The following SLC25A42 variants were observed in gnomAD, a reference collection of about 807,000 sequenced individuals.
The protein encoded by SLC25A42 is mitochondrial coenzyme A transporter SLC25A42.
Under a neutral mutation model 34.7 loss-of-function variants are expected in SLC25A42, and 19 were observed. The ratio of observed to expected loss-of-function variants is 0.55; its 90% CI spans 0.38 to 0.80. The LOEUF is 0.80. Ranked by LOEUF, SLC25A42 falls within the 30% of genes least tolerant of loss-of-function variation. The pLI is 0.00. For synonymous variants in SLC25A42, 205 were observed against 191.2 expected, an observed-to-expected ratio of 1.07 and a Z score of -0.59; for missense variants, 364 against 441.3, an observed-to-expected ratio of 0.82 and a Z score of 1.57.
intron 1 of SLC25A42, among the ~76,000 whole-genome samples, chr19:19,075,521 C>T (rs577745127): frequency 3.9e-5 from 6 of 152,174 alleles, no homozygotes; most frequent in Non-Finnish European, 5.9e-5. Context: ...CCTAGGTACT[C>T]GCGAAAGGTA....
chr19:19,083,677 G>C (rs905766153), intron 1 of SLC25A42, among the ~76,000 whole-genome samples: 1 of 152,206 alleles, frequency 6.6e-6, no homozygotes, highest in South Asian at 2.1e-4. Flanking sequence ...AACGAGTGTC[G>C]TGGAGGGAAG....
chr19:19,081,968 G>A lies in SLC25A42; in HGVS notation c.-34-14123G>A, dbSNP rs963098533. Among the ~76,000 whole-genome samples, 1 of 152,126 alleles carries A rather than the reference G, an allele frequency of 6.6e-6. No individual in the cohort carries two copies. The highest frequency in any genetic ancestry group is 6.5e-5 in the Admixed American group (1 of 15,272). Reference sequence around the variant, plus strand: ...TCACTGGTCGCAAGTCTGGGTACACGTTGTCATGGGAGTGATTGGCCTCCT... The same window carrying A: ...TCACTGGTCGCAAGTCTGGGTACACATTGTCATGGGAGTGATTGGCCTCCT... On this transcript the variant is annotated intron_variant, in intron 1 of 7. Transcript: ENST00000318596. This position sits in a 1 kb window ranked among gnomAD's most constrained non-coding sequence, Gnocchi z 4.5.
Position 19,110,760 on chromosome 19 carries a change from G to C in SLC25A42, c.841G>C (p.Val281Leu). Residue 281 changes from valine to leucine, a missense_variant, in exon 8 of 8, where the codon GTG becomes CTG. Physicochemically the swap from Val to Leu is conservative, Grantham distance 32. Transcript: ENST00000318596. ...LRTIVREEGA[V>L]RGLYKGLSMN... ...CACCATCGTGCGGGAGGAGGGCGCC[G>C]TGCGCGGCCTCTACAAAGGCTTGAG... 6.2e-7 allele frequency: 1 copy of C among 1,613,160 alleles called. No individual in the cohort carries two copies. The highest frequency in any genetic ancestry group is 8.5e-7 in the Non-Finnish European group (1 of 1,179,824).
At chr19:19,070,837 T>C (rs2059626483) in intron 1 of SLC25A42, among the ~76,000 whole-genome samples, 1 of 152,134 alleles carries the variant, frequency 6.6e-6, no homozygotes, top group Non-Finnish European at 1.5e-5. Context: ...CCTCTGTTAC[T>C]TCAGGAAGAA....
intron 1 of SLC25A42, among the ~76,000 whole-genome samples, chr19:19,069,229 T>TGGGCA (rs1179953619): frequency 6.6e-6 from 1 of 152,196 alleles, no homozygotes; most frequent in African/African-American, 2.4e-5. Context: ...GCAGAATGCT[T>TGGGCA]GGATTCCAGG....
chr19:19,089,279 G>C (rs146085411), intron 1 of SLC25A42, among the ~76,000 whole-genome samples: 1,657 of 152,180 alleles, frequency 0.011, 35 homozygotes, highest in African/African-American at 0.038. Flanking sequence ...TATAATCCCA[G>C]TACTTTGGGA....
intron 1 of SLC25A42, among the ~76,000 whole-genome samples, chr19:19,089,967 G>A (rs1348054302): frequency 2.6e-5 from 4 of 152,252 alleles, no homozygotes; most frequent in Non-Finnish European, 5.9e-5. Flanking sequence ...GGTCCCTGGA[G>A]GGAGAGCAGG....
intron 2 of SLC25A42, among the ~76,000 whole-genome samples, chr19:19,098,692 G>A (rs2145918129): frequency 1.3e-5 from 2 of 152,338 alleles, no homozygotes; most frequent in African/African-American, 4.8e-5. Flanking sequence ...GCCGAGACAG[G>A]CGGATCACCT....
chr19:19,106,476 AG>A, intron 6 of SLC25A42, 91 bp downstream of exon 6: 1 of 1,059,604 alleles, frequency 9.4e-7, no homozygotes, highest in Non-Finnish European at 1.4e-6. Context: ...ATCGGGCCCC[AG>A]GGGTTTGCAT....
Position 19,105,705 on chromosome 19 carries a change from A to C in SLC25A42, c.358A>C (p.Ser120Arg), listed in dbSNP as rs748604140. 1.8e-5 allele frequency: 29 copies of C among 1,599,734 alleles called. No individual in the cohort carries two copies. Among genetic ancestry groups the C allele is most frequent in the Non-Finnish European group, 2.5e-5 (29 of 1,171,788 alleles). Reference protein sequence around the residue: ...AHEEYKRILGSYYGFRGEALP... With the variant: ...AHEEYKRILGRYYGFRGEALP... ...CGAGGAGTACAAGCGCATCCTGGGC[A>C]GCTACTATGGCTTCCGTGGAGAGTG... The change falls in exon 5 of 8, where the codon AGC becomes CGC. Residue 120 changes from serine to arginine, a missense_variant. By Grantham distance (110) the Ser-to-Arg change is moderately radical. Transcript: ENST00000318596.
chr19:19,096,335 T>C, intron 2 of SLC25A42, 130 bp downstream of exon 2: 2 of 667,846 alleles, frequency 3.0e-6, no homozygotes, highest in Non-Finnish European at 2.6e-6. Flanking sequence ...ATTCCTCTGC[T>C]GTGCTCCATG....
At chr19:19,110,255 A>G (rs2059855452) in intron 7 of SLC25A42, among the ~76,000 whole-genome samples, 1 of 152,060 alleles carries the variant, frequency 6.6e-6, no homozygotes, top group African/African-American at 2.4e-5. Flanking sequence ...CTGAGACAGA[A>G]TTGCTTGAAC....
intron 1 of SLC25A42, among the ~76,000 whole-genome samples, chr19:19,071,913 T>C (rs972821620): frequency 6.6e-6 from 1 of 152,026 alleles, no homozygotes; most frequent in Non-Finnish European, 1.5e-5. Flanking sequence ...TGTTCTTTGA[T>C]GAGCAGCGGG....
chr19:19,092,908 G>A (rs1053540819), intron 1 of SLC25A42, among the ~76,000 whole-genome samples: 1 of 152,126 alleles, frequency 6.6e-6, no homozygotes, highest in Admixed American at 6.6e-5. Flanking sequence ...TGTGGGGGGC[G>A]GAGTGAAACA....
chr19:19,077,979 G>A (rs759293065), intron 1 of SLC25A42, among the ~76,000 whole-genome samples: 3 of 152,192 alleles, frequency 2.0e-5, no homozygotes, highest in African/African-American at 4.8e-5. Context: ...TTGTTGTCGC[G>A]TGTAGCAGCA....
intron 4 of SLC25A42, chr19:19,105,283 G>A (rs1291025527): frequency 1.7e-5 from 10 of 572,070 alleles, no homozygotes; most frequent in Non-Finnish European, 3.1e-5. Context: ...GCAGGGCTCC[G>A]AGCTGCTTTG....
intron 3 of SLC25A42, among the ~76,000 whole-genome samples, chr19:19,103,605 T>C (rs2059809956): frequency 6.6e-6 from 1 of 152,210 alleles, no homozygotes; most frequent in South Asian, 2.1e-4. Flanking sequence ...CTAGGGTTAG[T>C]CACAGGGTCC....
In SLC25A42 at chr19:19,105,665, CCAGTT is replaced by C; in HGVS notation, c.322_326del (p.Phe108ArgfsTer100). 6.2e-7 allele frequency: 1 copy of C among 1,613,476 alleles called. No homozygotes were observed. Among genetic ancestry groups the C allele is most frequent in the Non-Finnish European group, 8.5e-7 (1 of 1,179,804 alleles). On this transcript the variant is annotated frameshift_variant, in exon 5 of 8. Transcript: ENST00000318596. LOFTEE classifies it high-confidence loss of function. ...TGCGCGTGGTGCCCTACGCCGCCAT[CCAGTT>C]CAGCGCACACGAGGAGTACAAGCGC...
intron 2 of SLC25A42, 89 bp from the exon 3 acceptor site, chr19:19,101,692 A>C: frequency 8.5e-7 from 1 of 1,179,040 alleles, no homozygotes; most frequent in African/African-American, 1.5e-5. Context: ...GCCCCGGCCC[A>C]GAGGGTGTAA....
Sources: gnomAD v4.1 joint callset for allele counts (sites outside exome capture counted in the v4.1 genomes callset) on GRCh38, gnomAD v4.1.1 for gene constraint, Gnocchi (gnomAD v3.1) non-coding constraint, MANE v1.5 for transcripts, NCBI Gene and HGNC (gene_info 2026-07-23, HGNC 2026-07-21) for gene names.